TRAPPC13: variants seen among roughly 807,000 people sequenced by gnomAD.
The protein encoded by TRAPPC13 is REV7-interacting novel NHEJ regulator 1.
A neutral mutation model predicts 54.0 loss-of-function variants in TRAPPC13; 39 were observed. The observed-to-expected ratio is 0.72, with a 90% CI of 0.56 to 0.94. The LOEUF (loss-of-function observed/expected upper bound fraction) is 0.94. Among genes scored for constraint, TRAPPC13 ranks in the 40% least tolerant of loss-of-function variants. The probability of loss-of-function intolerance (pLI) is 0.00; values close to 1 mark genes in which losing one functional copy is unlikely to be tolerated. For missense variants in TRAPPC13, 386 were observed against 488.1 expected (o/e 0.79, Z 1.97); for synonymous variants, 148 against 167.7 (o/e 0.88, Z 0.91).
chr5:65,654,149 G>A (rs1756568499), intron 7 of TRAPPC13, among the ~76,000 whole-genome samples: 1 of 152,018 alleles, frequency 6.6e-6, no homozygotes, highest in African/African-American at 2.4e-5. Flanking sequence ...AATATTCAGA[G>A]TGATTTGTGA....
intron 9 of TRAPPC13, 45 bp downstream of exon 9, chr5:65,658,546 C>T: frequency 6.9e-7 from 1 of 1,443,620 alleles, no homozygotes; most frequent in East Asian, 2.6e-5. Context: ...TTGAAAGATA[C>T]ATGTTTTTCT....
At chr5:65,632,590 T>G (rs1755588887) in intron 1 of TRAPPC13, among the ~76,000 whole-genome samples, 1 of 152,202 alleles carries the variant, frequency 6.6e-6, no homozygotes, top group African/African-American at 2.4e-5. Flanking sequence ...ACTTATCTAC[T>G]AATATAATCC....
intron 4 of TRAPPC13, among the ~76,000 whole-genome samples, chr5:65,640,979 G>A (rs1238394669): frequency 1.3e-5 from 2 of 151,532 alleles, no homozygotes; most frequent in Non-Finnish European, 2.9e-5. Context: ...TGTCACCCAG[G>A]CTGGAGTGCA....
At chr5:65,630,763 T>G in intron 1 of TRAPPC13, 1 of 746,118 alleles carries the variant, frequency 1.3e-6, no homozygotes, top group Non-Finnish European at 1.6e-6. Flanking sequence ...TAGTCTAGAT[T>G]TATAATGATG....
chr5:65,635,401 A>G (rs1755710537), intron 2 of TRAPPC13, 32 bp downstream of exon 2: 2 of 1,578,248 alleles, frequency 1.3e-6, no homozygotes, highest in Non-Finnish European at 1.7e-6. Context: ...ATTTGCACCT[A>G]GGGAAAGGTT....
intron 8 of TRAPPC13, among the ~76,000 whole-genome samples, chr5:65,656,129 G>A (rs1756644313): frequency 1.3e-5 from 2 of 152,038 alleles, no homozygotes; most frequent in Non-Finnish European, 2.9e-5. Flanking sequence ...TTCCCAACTT[G>A]GCTAAAATTT....
intron 9 of TRAPPC13, 23 bp from the exon 10 acceptor site, chr5:65,660,676 G>C: frequency 6.5e-7 from 1 of 1,539,860 alleles, no homozygotes; most frequent in Non-Finnish European, 8.7e-7. Flanking sequence ...AATTTTCTCC[G>C]TCTCTGTCTC....
intron 1 of TRAPPC13, among the ~76,000 whole-genome samples, chr5:65,629,070 C>T (rs1223366283): frequency 6.6e-6 from 1 of 152,060 alleles, no homozygotes; most frequent in Non-Finnish European, 1.5e-5. Flanking sequence ...ATTTAGTTGC[C>T]TCAAATTTTT....
intron 5 of TRAPPC13, among the ~76,000 whole-genome samples, chr5:65,648,460 A>C (rs569999701): frequency 6.6e-6 from 1 of 152,378 alleles, no homozygotes; most frequent in Non-Finnish European, 1.5e-5. Context: ...AGGATCTAGC[A>C]GAGAACAGAA....
At chr5:65,647,026 T>A (rs1345228937) in intron 4 of TRAPPC13, 29 bp from the exon 5 acceptor site, 3 of 210,830 alleles carry the variant, frequency 1.4e-5, no homozygotes, top group Non-Finnish European at 2.3e-5. Context: ...TCATTTGGAC[T>A]TTTTTTTTTT....
chr5:65,631,317 T>C (rs889808545), intron 1 of TRAPPC13, among the ~76,000 whole-genome samples: 1 of 152,232 alleles, frequency 6.6e-6, no homozygotes, highest in Non-Finnish European at 1.5e-5. Flanking sequence ...AGAGGGATTC[T>C]TCATAGCCTG....
chr5:65,660,254 C>T (rs1215486140), intron 9 of TRAPPC13, among the ~76,000 whole-genome samples: 1 of 151,758 alleles, frequency 6.6e-6, no homozygotes, highest in Non-Finnish European at 1.5e-5. Context: ...ACTTAAGGTT[C>T]TGGTTTCTGT....
At position 65,625,902 on chromosome 5, in the gene TRAPPC13, T is replaced by C. The variant is rs917962685; in HGVS notation, c.46+796T>C. The C allele has an allele frequency of 5.3e-5, 8 of 152,256 alleles. No homozygotes were observed. The East Asian group carries it at 1.5e-3, about 29-fold the overall frequency. 9.4% of individuals were successfully genotyped at this position (152,256 alleles called of 1,614,324 possible). The stretch of plus-strand genomic sequence containing the variant: ...ATGCTCAATAAACATTCGGGTTCAA[T>C]TGAATTGCGCTTACTTTACTTATGG... On this transcript the variant is annotated intron_variant, in intron 1 of 12. Coordinates refer to ENST00000399438, the MANE Select transcript of TRAPPC13 (RefSeq NM_024941.4).
intron 3 of TRAPPC13, among the ~76,000 whole-genome samples, chr5:65,637,316 A>C (rs967909100): frequency 1.3e-5 from 2 of 152,218 alleles, no homozygotes; most frequent in Non-Finnish European, 1.5e-5. Context: ...TGAAGTTCTT[A>C]GTGATTCTCA....
At chr5:65,651,372 C>G (rs1408800312) in intron 6 of TRAPPC13, among the ~76,000 whole-genome samples, 1 of 152,166 alleles carries the variant, frequency 6.6e-6, no homozygotes, top group South Asian at 2.1e-4. Context: ...CAGAACAAGA[C>G]TCTGTCTCCG....
At chr5:65,655,860 T>G (rs1417679118) in intron 8 of TRAPPC13, among the ~76,000 whole-genome samples, 1 of 152,168 alleles carries the variant, frequency 6.6e-6, no homozygotes, top group Non-Finnish European at 1.5e-5. Context: ...AGCTCAAAAG[T>G]TAAATTGTCA....
intron 1 of TRAPPC13, chr5:65,629,383 G>A: frequency 9.2e-7 from 1 of 1,085,894 alleles, no homozygotes; most frequent in Non-Finnish European, 1.2e-6. Context: ...ATTGGTTTTT[G>A]TTTTTTGTTT....
At chr5:65,637,946 C>T (rs948982818) in intron 4 of TRAPPC13, among the ~76,000 whole-genome samples, 166 bp downstream of exon 4, 2 of 151,212 alleles carry the variant, frequency 1.3e-5, no homozygotes, top group Admixed American at 6.6e-5. Flanking sequence ...TGGTGAAACC[C>T]CATCTCTACT....
At position 65,665,963 on chromosome 5, in the gene TRAPPC13, CAA is replaced by C. The variant is rs1192121635; in HGVS notation, c.*1354_*1355del. 3 of 152,506 alleles carry C rather than the reference CAA, an allele frequency of 2.0e-5. No homozygotes were observed. Among genetic ancestry groups the C allele is most frequent in the Non-Finnish European group, 2.9e-5 (2 of 67,968 alleles). The allele number at this position is 152,506 out of a possible 1,614,324, so 9.4% of individuals were successfully genotyped here. ...AATGCATCATTATTTATTGCCATAA[CAA>C]ATTGTTTGGTCCAAAATGAAAGCTA... On this transcript the variant is annotated 3_prime_UTR_variant, in exon 13 of 13. Coordinates refer to ENST00000399438, the MANE Select transcript of TRAPPC13 (RefSeq NM_024941.4).
Sources: allele counts gnomAD v4.1 joint callset (sites outside exome capture counted in the v4.1 genomes callset), GRCh38; gene constraint gnomAD v4.1.1; transcripts MANE v1.5; gene names NCBI Gene and HGNC (gene_info 2026-07-23, HGNC 2026-07-21).